NALF1: variants seen among roughly 807,000 people sequenced by gnomAD.
NALF1 encodes family with sequence similarity 155 member A.
NALF1 carries 3 observed loss-of-function variants against 48.4 expected under a neutral mutation model. That is an observed-to-expected ratio of 0.06 (90% CI 0.03 to 0.16). NALF1 has a LOEUF of 0.16. Ranked by LOEUF, NALF1 falls within the 10% of genes least tolerant of loss-of-function variation. The pLI is 1.00. For missense variants in NALF1, 526 were observed against 571.5 expected, an observed-to-expected ratio of 0.92 and a Z score of 0.81; for synonymous variants, 262 against 245.7, an observed-to-expected ratio of 1.07 and a Z score of -0.62.
chr13:107,267,384 A>G (rs1881063211), intron 1 of NALF1, among the ~76,000 whole-genome samples: 1 of 152,160 alleles, frequency 6.6e-6, no homozygotes, highest in Admixed American at 6.5e-5. Context: ...AAAGGTTGCC[A>G]GGGAGGTGGA....
chr13:107,537,207 T>C (rs1349374651), intron 1 of NALF1, among the ~76,000 whole-genome samples: 1 of 152,040 alleles, frequency 6.6e-6, no homozygotes, highest in Non-Finnish European at 1.5e-5. Context: ...TGTGCACATG[T>C]ACCCTAGAAC....
chr13:107,446,019 A>ATTG (rs1327087383), intron 1 of NALF1, among the ~76,000 whole-genome samples: 1 of 151,928 alleles, frequency 6.6e-6, no homozygotes, highest in African/African-American at 2.4e-5. Flanking sequence ...GTGCGCTGCA[A>ATTG]CCTCCGCTTC....
intron 1 of NALF1, among the ~76,000 whole-genome samples, chr13:107,604,355 C>T (rs1566411441): frequency 6.6e-6 from 1 of 152,030 alleles, no homozygotes; most frequent in Non-Finnish European, 1.5e-5. Flanking sequence ...CTTTTTCCCC[C>T]TTTCTTTCTA....
At position 107,395,170 on chromosome 13, in the gene NALF1, G is replaced by C. The variant is rs1594153224; in HGVS notation, c.916-184415C>G. Among the ~76,000 whole-genome samples the C allele has an allele frequency of 2.0e-5, 3 of 152,244 alleles. No individual in the cohort carries two copies. The South Asian group carries it at 6.2e-4, about 32-fold the overall frequency. On this transcript the variant is annotated intron_variant, in intron 1 of 2. Transcript: ENST00000375915. ...CTCATCTAATTAGTAAATGTTGGTT[G>C]CCATTCTTTTCATGACTGCAGTCTG...
chr13:107,200,972 G>A (rs184891117), intron 2 of NALF1, among the ~76,000 whole-genome samples: 34 of 152,218 alleles, frequency 2.2e-4, no homozygotes, highest in Non-Finnish European at 3.7e-4. Flanking sequence ...CAGGGGGACC[G>A]AGTGAAAATG....
intron 1 of NALF1, among the ~76,000 whole-genome samples, chr13:107,687,939 G>A (rs1881476331): frequency 6.6e-6 from 1 of 151,948 alleles, no homozygotes; most frequent in Admixed American, 6.6e-5. Context: ...CCAAAAATTA[G>A]GCAAAAATAT....
chr13:107,636,696 A>C (rs897695045), intron 1 of NALF1, among the ~76,000 whole-genome samples: 2 of 152,052 alleles, frequency 1.3e-5, no homozygotes, highest in Non-Finnish European at 2.9e-5. Flanking sequence ...ATCAGTCTTA[A>C]TTTTATAATA....
chr13:107,750,239 G>C (rs1876899221), intron 1 of NALF1, among the ~76,000 whole-genome samples: 1 of 152,086 alleles, frequency 6.6e-6, no homozygotes, highest in African/African-American at 2.4e-5. Flanking sequence ...TGCACCTCTG[G>C]AGAGCCAGCT....
intron 1 of NALF1, among the ~76,000 whole-genome samples, chr13:107,246,674 T>C (rs1236463712): frequency 6.6e-6 from 1 of 152,134 alleles, no homozygotes; most frequent in Non-Finnish European, 1.5e-5. Flanking sequence ...GCCAGAGCTT[T>C]TTGCCACTGA....
chr13:107,216,662 C>T (rs1238523966), intron 1 of NALF1, among the ~76,000 whole-genome samples: 2 of 152,198 alleles, frequency 1.3e-5, no homozygotes, highest in African/African-American at 4.8e-5. Context: ...CCTTGCATTT[C>T]AGGGCCTCCT....
intron 1 of NALF1, among the ~76,000 whole-genome samples, chr13:107,505,428 C>T (rs1251250516): frequency 1.3e-5 from 2 of 152,128 alleles, no homozygotes; most frequent in Non-Finnish European, 2.9e-5. Context: ...AAGGGTCTCT[C>T]CAGCTGCTGT....
chr13:107,180,526 T>C (rs1207936404), intron 2 of NALF1, among the ~76,000 whole-genome samples: 1 of 152,038 alleles, frequency 6.6e-6, no homozygotes, highest in African/African-American at 2.4e-5. Context: ...ATAATTCTGA[T>C]TGCTGAAGCT....
chr13:107,452,474 T>C (rs1490331806), intron 1 of NALF1, among the ~76,000 whole-genome samples: 1 of 152,030 alleles, frequency 6.6e-6, no homozygotes, highest in South Asian at 2.1e-4. Context: ...AACCATCAGA[T>C]CTCATGAGAA....
intron 1 of NALF1, among the ~76,000 whole-genome samples, chr13:107,570,964 T>C (rs1877971248): frequency 6.6e-6 from 1 of 152,220 alleles, no homozygotes; most frequent in Admixed American, 6.5e-5. Context: ...GAGATTTGTA[T>C]ATTTTAGTTC....
rs1012838137 is a variant in NALF1, at chr13:107,817,443, A to G, written c.915+48239T>C. On this transcript the variant is annotated intron_variant, in intron 1 of 2. Coordinates refer to ENST00000375915, the MANE Select transcript of NALF1 (RefSeq NM_001080396.3). The stretch of plus-strand genomic sequence containing the variant: ...AGGACACACAGCCAGAGCTATATAA[A>G]GAAACATACTGTGATATCTTCAGAA... Among the ~76,000 whole-genome samples, 7 of 152,348 alleles carry G rather than the reference A, an allele frequency of 4.6e-5. No individual in the cohort carries two copies. In the East Asian group the frequency reaches 1.2e-3, roughly 25 times the overall value.
At chr13:107,502,977 A>G (rs533923196) in intron 1 of NALF1, among the ~76,000 whole-genome samples, 1 of 152,298 alleles carries the variant, frequency 6.6e-6, no homozygotes, top group East Asian at 1.9e-4. Flanking sequence ...CCAGTTAGTT[A>G]ACTTCAGCTT....
rs1004558507 is a variant in NALF1, at chr13:107,207,374, T to C, written c.1087+3210A>G. On this transcript the variant is annotated intron_variant, in intron 2 of 2. Coordinates refer to ENST00000375915, the MANE Select transcript of NALF1 (RefSeq NM_001080396.3). ...ATTTATAATGTAAACTATTTAAAAA[T>C]CCGTGTACATTTGTAGGAGACGGAC... Among the ~76,000 whole-genome samples the C allele has an allele frequency of 2.0e-5, 3 of 152,194 alleles. No individual in the cohort carries two copies. In the South Asian group the frequency reaches 6.2e-4, roughly 31 times the overall value.
At chr13:107,296,092 C>G (rs1881719754) in intron 1 of NALF1, among the ~76,000 whole-genome samples, 1 of 152,162 alleles carries the variant, frequency 6.6e-6, no homozygotes, top group South Asian at 2.1e-4. Context: ...TCCAATTTCA[C>G]ATAAATTTCC....
chr13:107,348,167 A>G (rs1882807821), intron 1 of NALF1, among the ~76,000 whole-genome samples: 1 of 152,194 alleles, frequency 6.6e-6, no homozygotes, highest in Admixed American at 6.5e-5. Flanking sequence ...TTCTGTGGAA[A>G]TTACAAAAGA....
Sources: allele counts gnomAD v4.1 joint callset (sites outside exome capture counted in the v4.1 genomes callset), GRCh38; gene constraint gnomAD v4.1.1; transcripts MANE v1.5; gene names NCBI Gene and HGNC (gene_info 2026-07-23, HGNC 2026-07-21).